RHPN2: variants seen among roughly 807,000 people sequenced by gnomAD.
RHPN2 encodes the protein rhophilin Rho GTPase binding protein 2.
Under a neutral mutation model 79.0 loss-of-function variants are expected in RHPN2, and 40 were observed. That is an observed-to-expected ratio of 0.51 (90% confidence interval 0.39 to 0.66). The LOEUF (loss-of-function observed/expected upper bound fraction) is 0.66. Ranked by LOEUF, RHPN2 falls within the 30% of genes least tolerant of loss-of-function variation. The pLI is 0.00. For synonymous variants in RHPN2, 285 were observed against 363.5 expected (o/e 0.78, Z 2.46); for missense variants, 686 against 883.5 (o/e 0.78, Z 2.83).
chr19:32,992,512 T>TAA (rs1971668729), intron 12 of RHPN2, among the ~76,000 whole-genome samples: 1 of 151,900 alleles, frequency 6.6e-6, no homozygotes, highest in Non-Finnish European at 1.5e-5. Context: ...AAATAAAATC[T>TAA]CTAATATAAA....
At chr19:33,044,405 T>A (rs780655970) in intron 1 of RHPN2, 41 bp from the exon 2 acceptor site, 2 of 1,319,030 alleles carry the variant, frequency 1.5e-6, no homozygotes, top group South Asian at 2.3e-5. Flanking sequence ...GGTCGGCCAC[T>A]CTAAAAATGA....
intron 1 of RHPN2, 91 bp downstream of exon 1, chr19:33,064,693 C>G (rs1041987037): frequency 1.7e-4 from 231 of 1,375,720 alleles, no homozygotes; most frequent in Non-Finnish European, 1.8e-4. Flanking sequence ...CTAGTGGACC[C>G]CGACTGCGCG....
At chr19:33,000,667 C>T (rs1971742251) in intron 9 of RHPN2, among the ~76,000 whole-genome samples, 1 of 152,144 alleles carries the variant, frequency 6.6e-6, no homozygotes, top group Admixed American at 6.6e-5. Context: ...GCTTCAACCA[C>T]ACCCTTCGTG....
At chr19:33,062,767 CATAATAATAATA>C (rs76516449) in intron 1 of RHPN2, among the ~76,000 whole-genome samples, 2,931 of 143,640 alleles carry the variant, frequency 0.02, 70 homozygotes, top group African/African-American at 0.057. Flanking sequence ...GACTCTGTTT[CATAATAATAATA>C]ATAATAATAA....
At chr19:33,046,411 G>A (rs1351316395) in intron 1 of RHPN2, among the ~76,000 whole-genome samples, 1 of 151,960 alleles carries the variant, frequency 6.6e-6, no homozygotes, top group African/African-American at 2.4e-5. Context: ...GATTACAGGC[G>A]TGCACCACCA....
At chr19:32,998,612 A>C (rs1024488843) in intron 10 of RHPN2, among the ~76,000 whole-genome samples, 1 of 151,732 alleles carries the variant, frequency 6.6e-6, no homozygotes, top group Non-Finnish European at 1.5e-5. Context: ...GCACTACTGC[A>C]CTGCAGCCTG....
chr19:33,023,642 A>G (rs1971942478), intron 3 of RHPN2, among the ~76,000 whole-genome samples: 1 of 150,602 alleles, frequency 6.6e-6, no homozygotes. Flanking sequence ...AAAATTAGCC[A>G]GGCAAGGTGG....
rs1054975657 is a variant in RHPN2 at position 33,035,834 on chromosome 19, G to A, written c.185+8415C>T. ...ATTTTGCTTTAAAGATAATAATATC[G>A]GGCCGGGCGCCATGGCTCACGCCTA... On this transcript the variant is annotated intron_variant, in intron 2 of 14. Coordinates refer to ENST00000254260, the MANE Select transcript of RHPN2 (RefSeq NM_033103.5). Among the ~76,000 whole-genome samples the A allele has an allele frequency of 5.3e-5, 8 of 152,088 alleles. No homozygotes were observed. In the South Asian group the frequency reaches 1.2e-3, roughly 24 times the overall value.
chr19:33,050,282 G>A lies in RHPN2; in HGVS notation c.70-5918C>T, dbSNP rs10423584. ...TGGGCTGAGCTGAGAAACAGATTTG[G>A]CGATGTCATCTGAGCCCTGGATCAA... On this transcript the variant is annotated intron_variant, in intron 1 of 14. Coordinates refer to ENST00000254260, the MANE Select transcript of RHPN2 (RefSeq NM_033103.5). 5.5e-3 allele frequency among the ~76,000 whole-genome samples: 834 copies of A among 152,156 alleles called. 10 individuals carry two copies. Among genetic ancestry groups the A allele is most frequent in the African/African-American group, 0.019 (790 of 41,508 alleles).
intron 1 of RHPN2, among the ~76,000 whole-genome samples, chr19:33,046,227 A>C (rs1972141733): frequency 6.6e-6 from 1 of 152,140 alleles, no homozygotes; most frequent in African/African-American, 2.4e-5. Flanking sequence ...TATAGAAATA[A>C]AATGTCTAGA....
At position 33,026,579 on chromosome 19, in the gene RHPN2, A is replaced by G. The variant is rs200757641; in HGVS notation, c.239T>C (p.Val80Ala). 23 of 1,609,056 alleles carry G rather than the reference A, an allele frequency of 1.4e-5. No homozygotes were observed. In the Admixed American group the frequency reaches 3.8e-4, roughly 27 times the overall value. ...CTTGAGCATCTGCAGGTCTGAGTTG[A>G]CGAAGCTCAGCTCCAGCCGCACTTG... Reference protein sequence around the residue: ...REQVRLELSFVNSDLQMLKEE... With the variant: ...REQVRLELSFANSDLQMLKEE... The change falls in exon 3 of 15, where the codon GTC becomes GCC. Residue 80 changes from valine to alanine, a missense_variant. By Grantham distance (64) the Val-to-Ala change is moderately conservative. Coordinates refer to ENST00000254260, the MANE Select transcript of RHPN2 (RefSeq NM_033103.5).
In RHPN2 at chr19:33,030,131, G is replaced by A. The variant is rs143682607; in HGVS notation, c.186-3499C>T. ...GAATGGTGAGAACACTCGTAAAATC[G>A]AAGTCTCTGCCCTCACCACGTGTGA... On this transcript the variant is annotated intron_variant, in intron 2 of 14. Coordinates refer to ENST00000254260, the MANE Select transcript of RHPN2 (RefSeq NM_033103.5). Among the ~76,000 whole-genome samples the A allele has an allele frequency of 2.9e-4, 44 of 152,184 alleles. No individual in the cohort carries two copies. The Middle Eastern group carries it at 0.014, about 47-fold the overall frequency.
At chr19:33,023,935 G>A (rs996103947) in intron 3 of RHPN2, among the ~76,000 whole-genome samples, 3 of 152,144 alleles carry the variant, frequency 2.0e-5, no homozygotes, top group Admixed American at 6.5e-5. Flanking sequence ...AGAGACCTTC[G>A]GTTCACTCTG....
chr19:33,034,355 C>T (rs79371301), intron 2 of RHPN2, among the ~76,000 whole-genome samples: 20,248 of 150,800 alleles, frequency 0.13, 1,638 homozygotes, highest in East Asian at 0.29. Context: ...CCTATAATCC[C>T]AGCACTTTGG....
chr19:33,055,672 C>G (rs1972225945), intron 1 of RHPN2, among the ~76,000 whole-genome samples: 1 of 150,416 alleles, frequency 6.6e-6, no homozygotes, highest in African/African-American at 2.4e-5. Flanking sequence ...GAATGCTGCT[C>G]ATTCATCAAA....
chr19:33,029,738 T>A (rs1429245097), intron 2 of RHPN2, among the ~76,000 whole-genome samples: 1 of 152,096 alleles, frequency 6.6e-6, no homozygotes, highest in Non-Finnish European at 1.5e-5. Context: ...CTAGGAGGAC[T>A]TGCAAAAGCC....
rs766987678 is a variant in RHPN2 at position 32,996,176 on chromosome 19, C to G, written c.1270G>C (p.Val424Leu). 21 of 1,614,054 alleles carry G rather than the reference C, an allele frequency of 1.3e-5. No homozygotes were observed. The South Asian group carries it at 2.3e-4, about 18-fold the overall frequency. ...TTCTTGCAGAGGCTGGCCTCCCGCA[C>G]CGACTCCTCGTGATGAGCCATGGCT... is the stretch of plus-strand genomic sequence containing the variant. ...RRAMAHHEESVREASLCKKLR... is the reference protein window; with the variant it reads ...RRAMAHHEESLREASLCKKLR... The change falls in exon 11 of 15, where the codon GTG (valine) becomes CTG (leucine). Residue 424 changes from valine to leucine, a missense_variant. Val to Leu is a conservative substitution (Grantham distance 32, BLOSUM62 1). Transcript: ENST00000254260.
At chr19:33,012,752 T>C (rs1173693824) in intron 4 of RHPN2, 28 bp from the exon 5 acceptor site, 8 of 1,336,294 alleles carry the variant, frequency 6.0e-6, no homozygotes, top group Non-Finnish European at 8.6e-6. Context: ...TCAGATGTTA[T>C]AAAGTGTGGC....
intron 2 of RHPN2, among the ~76,000 whole-genome samples, chr19:33,034,069 G>A (rs1202846109): frequency 1.3e-5 from 2 of 149,412 alleles, no homozygotes; most frequent in Admixed American, 6.7e-5. Context: ...TATTGCCCAG[G>A]CTGGTCTCAA....
Sources: gnomAD v4.1 joint callset for allele counts (sites outside exome capture counted in the v4.1 genomes callset) on GRCh38, gnomAD v4.1.1 for gene constraint, MANE v1.5 for transcripts, NCBI Gene and HGNC (gene_info 2026-07-23, HGNC 2026-07-21) for gene names.